Variants in CNTN5 observed in about 807,000 individuals in gnomAD.
CNTN5 encodes contactin-5.
CNTN5 carries 77 observed loss-of-function variants against 129.1 expected under a neutral mutation model. The ratio of observed to expected loss-of-function variants is 0.60; its 90% CI spans 0.50 to 0.72. CNTN5 has a LOEUF of 0.72. CNTN5 is among the 30% of genes least tolerant of loss of function. CNTN5 has a pLI of 0.00. For missense variants in CNTN5, 1,478 were observed against 1,328.8 expected (o/e 1.11, Z -1.75); for synonymous variants, 509 against 465.6 (o/e 1.09, Z -1.20).
At chr11:99,568,269 T>C (rs565986999) in intron 3 of CNTN5, among the ~76,000 whole-genome samples, 5 of 152,338 alleles carry the variant, frequency 3.3e-5, no homozygotes, top group Non-Finnish European at 7.3e-5. Flanking sequence ...TCCTTCCTGA[T>C]AGAAGATTAA....
At chr11:99,166,797 G>C (rs569320658) in intron 1 of CNTN5, among the ~76,000 whole-genome samples, 1 of 148,462 alleles carries the variant, frequency 6.7e-6, no homozygotes, top group South Asian at 2.1e-4. Context: ...TTTCACTGTG[G>C]TCATGGTGAC....
chr11:99,132,341 C>T (rs1858984525), intron 1 of CNTN5, among the ~76,000 whole-genome samples: 1 of 152,104 alleles, frequency 6.6e-6, no homozygotes, highest in African/African-American at 2.4e-5. Flanking sequence ...TGAAAACTGG[C>T]ACAAGACAAG....
At chr11:100,152,464 C>A (rs548539218) in intron 13 of CNTN5, among the ~76,000 whole-genome samples, 1 of 152,026 alleles carries the variant, frequency 6.6e-6, no homozygotes, top group African/African-American at 2.4e-5. Flanking sequence ...TGCTTTTATG[C>A]GTGACACAGA....
rs368298655 is a variant in CNTN5, at chr11:99,886,033, G to A, written c.578-30021G>A. On this transcript the variant is annotated intron_variant, in intron 6 of 24. Transcript: ENST00000524871. ...GCAAGGAAAAGATCACTAGGAAAAT[G>A]TGTATCTACATTAAAAAATTAAGTT... Among the ~76,000 whole-genome samples, 47 of 152,130 alleles carry A rather than the reference G, an allele frequency of 3.1e-4. 1 individual carries two copies. The highest frequency in any genetic ancestry group is 1.1e-3 in the African/African-American group (44 of 41,558).
At chr11:100,194,039 G>C (rs1279524021) in intron 15 of CNTN5, among the ~76,000 whole-genome samples, 1 of 151,912 alleles carries the variant, frequency 6.6e-6, no homozygotes, top group Non-Finnish European at 1.5e-5. Context: ...TTCTCCTCAA[G>C]AACAGTAATT....
At chr11:99,514,173 T>C (rs1946953291) in intron 2 of CNTN5, among the ~76,000 whole-genome samples, 1 of 152,068 alleles carries the variant, frequency 6.6e-6, no homozygotes, top group Non-Finnish European at 1.5e-5. Context: ...AAAATTAGAA[T>C]TATAACTGAA....
intron 3 of CNTN5, among the ~76,000 whole-genome samples, chr11:99,640,135 C>G (rs1213836866): frequency 5.3e-5 from 8 of 152,186 alleles, no homozygotes; most frequent in African/African-American, 1.4e-4. Flanking sequence ...AAGTTCCAAA[C>G]TCTCCCACAT....
At chr11:99,093,898 C>G (rs1866360100) in intron 1 of CNTN5, among the ~76,000 whole-genome samples, 1 of 151,866 alleles carries the variant, frequency 6.6e-6, no homozygotes, top group East Asian at 1.9e-4. Flanking sequence ...TGCCCTTTCC[C>G]CTGTGCCTCA....
At chr11:99,576,607 T>G (rs956318436) in intron 3 of CNTN5, among the ~76,000 whole-genome samples, 2 of 152,168 alleles carry the variant, frequency 1.3e-5, no homozygotes, top group African/African-American at 4.8e-5. Flanking sequence ...CTTAATCCAT[T>G]TGGGCTGCTA....
At chr11:99,099,316 G>A (rs943137927) in intron 1 of CNTN5, among the ~76,000 whole-genome samples, 3 of 152,042 alleles carry the variant, frequency 2.0e-5, no homozygotes, top group Admixed American at 1.3e-4. Flanking sequence ...GCATATAAAT[G>A]TATGGGCCTT....
At chr11:99,078,848 A>G (rs1865685893) in intron 1 of CNTN5, among the ~76,000 whole-genome samples, 2 of 152,234 alleles carry the variant, frequency 1.3e-5, no homozygotes, top group South Asian at 4.1e-4. Flanking sequence ...ATAAAAATAT[A>G]GTGAGAATGA....
intron 2 of CNTN5, among the ~76,000 whole-genome samples, chr11:99,542,679 C>T (rs183139621): frequency 4.9e-4 from 74 of 152,306 alleles, no homozygotes; most frequent in African/African-American, 1.7e-3. Flanking sequence ...AAAATCACCT[C>T]TGGTGGAAAT....
chr11:99,975,492 TA>T (rs1852122874), intron 8 of CNTN5, among the ~76,000 whole-genome samples: 1 of 152,198 alleles, frequency 6.6e-6, no homozygotes, highest in African/African-American at 2.4e-5. Flanking sequence ...CTCACACTGC[TA>T]TAAAGAAGTA....
chr11:100,042,569 T>C (rs2137686415), intron 9 of CNTN5, among the ~76,000 whole-genome samples: 1 of 152,284 alleles, frequency 6.6e-6, no homozygotes, highest in South Asian at 2.1e-4. Flanking sequence ...CACAGCTAAG[T>C]ATTCCTTCTG....
intron 2 of CNTN5, among the ~76,000 whole-genome samples, chr11:99,389,225 A>T (rs1238081234): frequency 6.6e-6 from 1 of 151,770 alleles, no homozygotes; most frequent in Non-Finnish European, 1.5e-5. Context: ...GACAAGTTTC[A>T]CCATGTTGAC....
At chr11:100,124,698 C>A (rs374156918) in intron 13 of CNTN5, among the ~76,000 whole-genome samples, 18 of 152,056 alleles carry the variant, frequency 1.2e-4, no homozygotes, top group African/African-American at 4.3e-4. Context: ...TCACTCTTTG[C>A]AAGTCTTGAA....
At chr11:99,588,115 G>A (rs1357765991) in intron 3 of CNTN5, among the ~76,000 whole-genome samples, 1 of 152,078 alleles carries the variant, frequency 6.6e-6, no homozygotes, top group Admixed American at 6.5e-5. Flanking sequence ...AGGCCGAGGC[G>A]GGCGGATCAC....
intron 21 of CNTN5, among the ~76,000 whole-genome samples, chr11:100,320,263 T>G (rs1951661884): frequency 6.6e-6 from 1 of 152,228 alleles, no homozygotes; most frequent in Non-Finnish European, 1.5e-5. Flanking sequence ...GATATCTCAT[T>G]GTGGTTTTCC....
intron 3 of CNTN5, among the ~76,000 whole-genome samples, chr11:99,734,143 G>C (rs752360367): frequency 1.4e-4 from 22 of 152,256 alleles, no homozygotes; most frequent in Non-Finnish European, 2.2e-4. Flanking sequence ...TATGGGGTAC[G>C]TGAGAAATTT....
Sources: gnomAD v4.1 joint callset for allele counts (sites outside exome capture counted in the v4.1 genomes callset) on GRCh38, gnomAD v4.1.1 for gene constraint, MANE v1.5 for transcripts, NCBI Gene and HGNC (gene_info 2026-07-23, HGNC 2026-07-21) for gene names.